Variants in ZNF609 observed in about 807,000 individuals in gnomAD.
ZNF609 encodes zinc finger protein 609.
ZNF609 carries 11 observed loss-of-function variants against 109.5 expected under a neutral mutation model. That is an observed-to-expected ratio of 0.10 (90% CI 0.06 to 0.17). The LOEUF is 0.17. Ranked by LOEUF, ZNF609 falls within the 10% of genes least tolerant of loss-of-function variation. The pLI is 1.00. For synonymous variants in ZNF609, 646 were observed against 662.0 expected (o/e 0.98, Z 0.37); for missense variants, 1,559 against 1,772.4 (o/e 0.88, Z 2.16).
At chr15:64,588,426 TAAAAAAAA>T (rs1167575851) in intron 2 of ZNF609, among the ~76,000 whole-genome samples, 5 of 5,896 alleles carry the variant, frequency 8.5e-4, no homozygotes, top group Admixed American at 8.2e-3. Context: ...ACACTCTGTC[TAAAAAAAA>T]AAAAAAAAAA....
intron 2 of ZNF609, among the ~76,000 whole-genome samples, chr15:64,559,077 G>A (rs892663997): frequency 6.6e-6 from 1 of 152,198 alleles, no homozygotes; most frequent in Non-Finnish European, 1.5e-5. Flanking sequence ...TGGCTGGAAT[G>A]TGAGTAAATT....
At chr15:64,468,271 T>C (rs1316672150) in intron 1 of ZNF609, among the ~76,000 whole-genome samples, 2 of 151,374 alleles carry the variant, frequency 1.3e-5, no homozygotes, top group African/African-American at 4.9e-5. Context: ...TTCTTTTCTT[T>C]TCTTTTCCTT....
intron 2 of ZNF609, among the ~76,000 whole-genome samples, chr15:64,584,709 A>C (rs939799393): frequency 4.0e-5 from 6 of 151,774 alleles, no homozygotes; most frequent in Admixed American, 2.0e-4. Flanking sequence ...GCTCACTGCA[A>C]CCTCTGCCTC....
Position 64,499,863 on chromosome 15 carries a change from G to A in ZNF609, c.444G>A (p.Lys148=), listed in dbSNP as rs778689994. Residue 148 remains lysine (K), a synonymous_variant, in exon 2 of 10, where the codon AAG becomes AAA. Transcript: ENST00000326648. ...CCAAGGGCTCAGAGAAGGCGGCTAA[G>A]GCATCCCGCAGTGTAGCCGGTTCCA... ...IAPKGSEKAA[K]ASRSVAGSKK... The A allele has an allele frequency of 6.2e-7, 1 of 1,614,068 alleles. No individual in the cohort carries two copies. The highest frequency in any genetic ancestry group is 1.1e-5 in the South Asian group (1 of 91,066).
chr15:64,670,016 T>C (rs1464568472), intron 3 of ZNF609, among the ~76,000 whole-genome samples: 2 of 152,142 alleles, frequency 1.3e-5, no homozygotes, highest in Non-Finnish European at 2.9e-5. Flanking sequence ...GCTCTTGTGA[T>C]CCCAGCTACT....
chr15:64,473,050 G>A (rs1225155162), intron 1 of ZNF609, among the ~76,000 whole-genome samples: 1 of 151,966 alleles, frequency 6.6e-6, no homozygotes, highest in East Asian at 1.9e-4. Context: ...GGGTAAGGAA[G>A]GGAAGAAATT....
chr15:64,481,390 G>A (rs1309099352), intron 1 of ZNF609, among the ~76,000 whole-genome samples: 2 of 146,788 alleles, frequency 1.4e-5, no homozygotes, highest in East Asian at 2.0e-4. Context: ...GCGCGATCTC[G>A]GCTCACCGCA....
intron 1 of ZNF609, among the ~76,000 whole-genome samples, chr15:64,479,508 G>A (rs1186500017): frequency 6.6e-6 from 1 of 151,678 alleles, no homozygotes; most frequent in Admixed American, 6.6e-5. Flanking sequence ...AGCCAGGATG[G>A]TCTCTATCTC....
At chr15:64,656,927 T>A (rs1410011142) in intron 3 of ZNF609, among the ~76,000 whole-genome samples, 1 of 152,186 alleles carries the variant, frequency 6.6e-6, no homozygotes, top group East Asian at 1.9e-4. Flanking sequence ...TATTCTGTTT[T>A]GAATCTTCAG....
In ZNF609 at chr15:64,573,351, T is replaced by C. The variant is rs888647828; in HGVS notation, c.748-49476T>C. On this transcript the variant is annotated intron_variant, in intron 2 of 9. Transcript: ENST00000326648. ...AGAGTTAGTGGCCCAACTTTCTTTT[T>C]TTTTTTTTTTTTTTTTTTTTTGAGA... 6.3e-3 allele frequency among the ~76,000 whole-genome samples: 635 copies of C among 100,484 alleles called. 23 individuals are homozygous for C. Among genetic ancestry groups the C allele is most frequent in the African/African-American group, 0.019 (550 of 28,606 alleles). 65.9% of individuals were successfully genotyped at this position (100,484 alleles called of 152,430 possible).
At chr15:64,555,403 G>T (rs192956862) in intron 2 of ZNF609, among the ~76,000 whole-genome samples, 2 of 151,930 alleles carry the variant, frequency 1.3e-5, no homozygotes, top group Admixed American at 6.6e-5. Flanking sequence ...AGTGGCGCAC[G>T]CCTGTAATCC....
At chr15:64,635,693 A>C (rs532550315) in intron 3 of ZNF609, among the ~76,000 whole-genome samples, 10 of 152,336 alleles carry the variant, frequency 6.6e-5, no homozygotes, top group Middle Eastern at 3.4e-3. Context: ...CTGCTGTAAC[A>C]ATGATAGGCA....
intron 2 of ZNF609, among the ~76,000 whole-genome samples, chr15:64,566,316 C>T (rs139298565): frequency 1.3e-5 from 2 of 152,266 alleles, no homozygotes; most frequent in South Asian, 2.1e-4. Context: ...GGCCACAGAT[C>T]GAGACCTTGT....
rs201362987 is a variant in ZNF609, at chr15:64,675,909, C to T, written c.3055C>T (p.Arg1019Trp). Residue 1019 changes from arginine (R) to tryptophan (W), a missense_variant, in exon 5 of 10, where the codon CGG becomes TGG. This residue lies in a region of ZNF609 where 1,204 missense variants were observed against 1,314.1 expected (regional missense o/e 0.92). Coordinates refer to ENST00000326648, the MANE Select transcript of ZNF609 (RefSeq NM_015042.2). ...QKRQSLEQQQRGVDKKAEMGL... is the reference protein window; with the variant it reads ...QKRQSLEQQQWGVDKKAEMGL... ...ACGCCAGAGCTTAGAGCAGCAGCAG[C>T]GGGGAGTGGACAAGAAGGCAGAGAT... 9.6e-5 allele frequency: 155 copies of T among 1,614,016 alleles called. No individual in the cohort carries two copies. In the Middle Eastern group the frequency reaches 1.5e-3, roughly 15 times the overall value.
At chr15:64,545,018 G>A (rs1324258262) in intron 2 of ZNF609, among the ~76,000 whole-genome samples, 4 of 152,128 alleles carry the variant, frequency 2.6e-5, no homozygotes, top group African/African-American at 7.2e-5. Context: ...CTGTTAAGCA[G>A]GTAAAAGAGA....
At chr15:64,490,113 C>T (rs1893391078) in intron 1 of ZNF609, among the ~76,000 whole-genome samples, 1 of 152,080 alleles carries the variant, frequency 6.6e-6, no homozygotes, top group Admixed American at 6.6e-5. Context: ...CATTTGCCAC[C>T]ATATCTGGCT....
At chr15:64,662,988 GT>G (rs551797853) in intron 3 of ZNF609, among the ~76,000 whole-genome samples, 1 of 151,920 alleles carries the variant, frequency 6.6e-6, no homozygotes, top group Non-Finnish European at 1.5e-5. Flanking sequence ...ATTTTTATGT[GT>G]TTTTTTGGGA....
At chr15:64,518,026 C>T (rs1311315940) in intron 2 of ZNF609, among the ~76,000 whole-genome samples, 2 of 152,168 alleles carry the variant, frequency 1.3e-5, no homozygotes, top group African/African-American at 4.8e-5. Flanking sequence ...AAGTGATCCA[C>T]CCGCCATGGC....
chr15:64,651,776 T>G (rs1337541329), intron 3 of ZNF609, among the ~76,000 whole-genome samples: 1 of 152,236 alleles, frequency 6.6e-6, no homozygotes, highest in East Asian at 1.9e-4. Context: ...CAGCTACAGC[T>G]GAGGGAGCAG....
Sources: allele counts gnomAD v4.1 joint callset (sites outside exome capture counted in the v4.1 genomes callset), GRCh38; gene constraint gnomAD v4.1.1; regional missense constraint gnomAD v4.1.1; transcripts MANE v1.5; gene names NCBI Gene and HGNC (gene_info 2026-07-23, HGNC 2026-07-21).